B3GALT1: variants seen among roughly 807,000 people sequenced by gnomAD.
B3GALT1 encodes the protein UDP-Gal:betaGlcNAc beta 1,3-galactosyltransferase, polypeptide 1.
In B3GALT1, 10 loss-of-function variants were observed where a neutral mutation model predicts 23.2. The observed-to-expected ratio is 0.43, with a 90% CI of 0.27 to 0.73. B3GALT1 has a LOEUF of 0.73. Ranked by LOEUF, B3GALT1 falls within the 30% of genes least tolerant of loss-of-function variation. B3GALT1 has a pLI of 0.21. For missense variants in B3GALT1, 299 were observed against 405.4 expected (o/e 0.74, Z 2.25); for synonymous variants, 156 against 141.5 (o/e 1.10, Z -0.73).
At chr2:167,490,969 A>G (rs1397160361) in intron 2 of B3GALT1, among the ~76,000 whole-genome samples, 1 of 152,202 alleles carries the variant, frequency 6.6e-6, no homozygotes, top group Non-Finnish European at 1.5e-5. Flanking sequence ...ACAAAATGAT[A>G]AAGAAGCTCT....
intron 2 of B3GALT1, among the ~76,000 whole-genome samples, chr2:167,610,926 AAGAGAG>A (rs1268333304): frequency 1.4e-5 from 2 of 139,682 alleles, no homozygotes; most frequent in Non-Finnish European, 1.5e-5. Context: ...AAAAAAAAAA[AAGAGAG>A]AGAGAGAGAA....
At chr2:167,618,535 G>C (rs761926775) in intron 2 of B3GALT1, among the ~76,000 whole-genome samples, 1 of 151,964 alleles carries the variant, frequency 6.6e-6, no homozygotes, top group Non-Finnish European at 1.5e-5. Flanking sequence ...ATAAAAAAAG[G>C]TAACAGTGAA....
Position 167,867,064 on chromosome 2 carries a change from C to T in B3GALT1, c.-229-1747C>T, listed in dbSNP as rs568584634. Among the ~76,000 whole-genome samples the T allele has an allele frequency of 3.9e-3, 589 of 151,674 alleles. 2 individuals are homozygous for T. The highest frequency in any genetic ancestry group is 0.014 in the African/African-American group (566 of 41,414). On this transcript the variant is annotated intron_variant, in intron 4 of 4. Coordinates refer to ENST00000392690, the MANE Select transcript of B3GALT1 (RefSeq NM_020981.4). ...GCCTCAGCCTCCCGAGTAGCTGGGA[C>T]TACAGGCACCCGCCACTACGCCTGG...
intron 2 of B3GALT1, among the ~76,000 whole-genome samples, chr2:167,497,030 T>C (rs1699791934): frequency 6.6e-6 from 1 of 151,980 alleles, no homozygotes; most frequent in African/African-American, 2.4e-5. Flanking sequence ...GTTGTGCACA[T>C]GTACCCTAAA....
intron 2 of B3GALT1, among the ~76,000 whole-genome samples, chr2:167,550,021 AT>A (rs999155929): frequency 3.3e-5 from 5 of 152,102 alleles, no homozygotes; most frequent in Admixed American, 3.3e-4. Context: ...TCTAGTTTTG[AT>A]TATCTATAGT....
At chr2:167,706,468 C>T (rs1477911411) in intron 3 of B3GALT1, among the ~76,000 whole-genome samples, 4 of 152,112 alleles carry the variant, frequency 2.6e-5, no homozygotes, top group Admixed American at 2.6e-4. Context: ...TTGGGTATTC[C>T]TTATCAGAGG....
At chr2:167,563,867 C>A (rs1317785847) in intron 2 of B3GALT1, among the ~76,000 whole-genome samples, 4 of 140,858 alleles carry the variant, frequency 2.8e-5, no homozygotes, top group African/African-American at 7.8e-5. Context: ...GGCAGAGGCG[C>A]CCCTCATCTG....
intron 3 of B3GALT1, among the ~76,000 whole-genome samples, chr2:167,722,029 G>A (rs983718533): frequency 1.3e-5 from 2 of 152,166 alleles, no homozygotes; most frequent in African/African-American, 4.8e-5. Flanking sequence ...ATCACCCTTG[G>A]CTGTAGTATT....
chr2:167,869,058 T>A lies in B3GALT1; in HGVS notation c.19T>A (p.Cys7Ser). 1 of 1,609,036 alleles carries A rather than the reference T, an allele frequency of 6.2e-7. No homozygotes were observed. The highest frequency in any genetic ancestry group is 2.2e-5 in the East Asian group (1 of 44,794). ...CAAGACAATGGCTTCAAAGGTCTCC[T>A]GTTTGTATGTTTTGACAGTTGTGTG... MASKVS[C>S]LYVLTVVCWA... The change falls in exon 5 of 5, where the codon TGT (cysteine) becomes AGT (serine). Residue 7 changes from cysteine to serine, a missense_variant. By Grantham distance (112) the Cys-to-Ser change is moderately radical. Around this residue, in one of 3 missense-constraint regions of B3GALT1, gnomAD observed 162 missense variants for 184.1 expected, o/e 0.88. Coordinates refer to ENST00000392690, the MANE Select transcript of B3GALT1 (RefSeq NM_020981.4). The surrounding 1 kb of genome is among the most constrained non-coding windows in gnomAD (Gnocchi z 6.4).
chr2:167,805,255 A>C lies in B3GALT1; in HGVS notation c.-351-13417A>C, dbSNP rs532642367. Among the ~76,000 whole-genome samples the C allele has an allele frequency of 2.6e-5, 4 of 152,096 alleles. No individual in the cohort carries two copies. In the East Asian group the frequency reaches 7.7e-4, roughly 29 times the overall value. ...CTTTGTCAGATGAGTAGATTGCAAA[A>C]ATTTTCTCCCATTCTGTAGGTTGCC... is the stretch of plus-strand genomic sequence containing the variant. On this transcript the variant is annotated intron_variant, in intron 3 of 4. Transcript: ENST00000392690.
chr2:167,603,062 C>T (rs977161234), intron 2 of B3GALT1, among the ~76,000 whole-genome samples: 1 of 152,126 alleles, frequency 6.6e-6, no homozygotes, highest in African/African-American at 2.4e-5. Context: ...TAGCTTTTCT[C>T]CCGACAGGAA....
chr2:167,694,234 C>T (rs1369332020), intron 3 of B3GALT1, among the ~76,000 whole-genome samples: 4 of 152,212 alleles, frequency 2.6e-5, no homozygotes, highest in Middle Eastern at 6.8e-3. Flanking sequence ...AGGCATAATT[C>T]TCAGAAATTG....
chr2:167,614,149 A>G (rs1319997081), intron 2 of B3GALT1, among the ~76,000 whole-genome samples: 1 of 151,840 alleles, frequency 6.6e-6, no homozygotes, highest in Non-Finnish European at 1.5e-5. Context: ...ATGACACCTA[A>G]GGAAAACGTA....
At chr2:167,482,705 TG>T (rs1553521283) in intron 1 of B3GALT1, among the ~76,000 whole-genome samples, 1 of 152,158 alleles carries the variant, frequency 6.6e-6, no homozygotes, top group Non-Finnish European at 1.5e-5. Flanking sequence ...CCGGGCATGG[TG>T]GCAGGTGCCT....
intron 1 of B3GALT1, among the ~76,000 whole-genome samples, chr2:167,400,278 GTTTTC>G (rs1698167692): frequency 6.6e-6 from 1 of 151,260 alleles, no homozygotes; most frequent in Admixed American, 6.6e-5. Flanking sequence ...CTAAGGACTT[GTTTTC>G]TTCAGTAATG....
intron 4 of B3GALT1, among the ~76,000 whole-genome samples, chr2:167,825,450 G>GTGTT (rs1314584978): frequency 2.0e-5 from 3 of 146,966 alleles, no homozygotes; most frequent in African/African-American, 7.6e-5. Context: ...GTGTGTGTGT[G>GTGTT]TGTGTGCGTG....
chr2:167,390,322 A>T (rs1698000294), intron 1 of B3GALT1, among the ~76,000 whole-genome samples: 1 of 152,006 alleles, frequency 6.6e-6, no homozygotes, highest in East Asian at 1.9e-4. Flanking sequence ...GTGGTCTACT[A>T]CTCTTCAAAG....
At chr2:167,629,265 T>A (rs1685398669) in intron 2 of B3GALT1, among the ~76,000 whole-genome samples, 1 of 151,732 alleles carries the variant, frequency 6.6e-6, no homozygotes, top group African/African-American at 2.4e-5. Context: ...GGTGTAAAAG[T>A]CCCATTGGCA....
intron 2 of B3GALT1, among the ~76,000 whole-genome samples, chr2:167,516,541 A>T (rs2105358236): frequency 6.6e-6 from 1 of 152,222 alleles, no homozygotes; most frequent in African/African-American, 2.4e-5. Context: ...AAGTCACTTA[A>T]GTCACTTAAA....
Sources: gnomAD v4.1 joint callset for allele counts (sites outside exome capture counted in the v4.1 genomes callset) on GRCh38, gnomAD v4.1.1 for gene constraint, gnomAD v4.1.1 regional missense constraint, Gnocchi (gnomAD v3.1) non-coding constraint, MANE v1.5 for transcripts, NCBI Gene and HGNC (gene_info 2026-07-23, HGNC 2026-07-21) for gene names.